The following DPP10 variants were observed in gnomAD, a reference collection of about 807,000 sequenced individuals.
The protein encoded by DPP10 is inactive dipeptidyl peptidase 10.
A neutral mutation model predicts 120.9 loss-of-function variants in DPP10; 33 were observed. The observed-to-expected ratio is 0.27, with a 90% confidence interval of 0.21 to 0.37. The LOEUF is 0.37. Ranked by LOEUF, DPP10 falls within the 10% of genes least tolerant of loss-of-function variation. The pLI, the probability that DPP10 is intolerant of heterozygous loss-of-function variation, is 1.00. For missense variants in DPP10, 816 were observed against 942.8 expected (o/e 0.87, Z 1.76); for synonymous variants, 337 against 326.1 (o/e 1.03, Z -0.36).
chr2:115,796,438 A>T (rs889718981), intron 19 of DPP10, among the ~76,000 whole-genome samples: 1 of 152,186 alleles, frequency 6.6e-6, no homozygotes, highest in East Asian at 1.9e-4. Flanking sequence ...ATATGAATAC[A>T]TCAATGAATA....
chr2:115,005,091 C>T (rs1035220702), intron 1 of DPP10, among the ~76,000 whole-genome samples: 1 of 151,954 alleles, frequency 6.6e-6, no homozygotes, highest in Admixed American at 6.6e-5. Flanking sequence ...CTGGGAGGCA[C>T]CCTCCAGCAG....
At chr2:115,725,566 C>A (rs758185236) in intron 7 of DPP10, among the ~76,000 whole-genome samples, 3 of 152,126 alleles carry the variant, frequency 2.0e-5, no homozygotes, top group Non-Finnish European at 4.4e-5. Flanking sequence ...AATGTAATTA[C>A]TGGTCAATAG....
At chr2:114,818,515 G>A (rs1685826176) in intron 1 of DPP10, among the ~76,000 whole-genome samples, 1 of 152,116 alleles carries the variant, frequency 6.6e-6, no homozygotes, top group Non-Finnish European at 1.5e-5. Context: ...ATTTCCTTAG[G>A]CGATTACAAG....
At chr2:114,921,744 A>G (rs1433259535) in intron 1 of DPP10, among the ~76,000 whole-genome samples, 1 of 152,254 alleles carries the variant, frequency 6.6e-6, no homozygotes, top group African/African-American at 2.4e-5. Flanking sequence ...CGTAGGTCAC[A>G]TTACTGCAAA....
chr2:115,186,223 C>G (rs1007693331), intron 1 of DPP10, among the ~76,000 whole-genome samples: 2 of 152,178 alleles, frequency 1.3e-5, no homozygotes, highest in African/African-American at 4.8e-5. Context: ...TAGCTTTGTT[C>G]TGTTTTACGT....
chr2:115,654,493 A>G (rs576403987), intron 5 of DPP10, among the ~76,000 whole-genome samples: 1 of 152,024 alleles, frequency 6.6e-6, no homozygotes, highest in East Asian at 1.9e-4. Flanking sequence ...TGCAAAATAT[A>G]CAAAAACAGA....
At chr2:114,949,656 C>T (rs1331976212) in intron 1 of DPP10, among the ~76,000 whole-genome samples, 1 of 152,134 alleles carries the variant, frequency 6.6e-6, no homozygotes, top group Non-Finnish European at 1.5e-5. Context: ...AGAGAATGTT[C>T]ACATTTATTA....
intron 1 of DPP10, among the ~76,000 whole-genome samples, chr2:115,280,851 T>C (rs1355767256): frequency 6.6e-6 from 1 of 152,216 alleles, no homozygotes; most frequent in Non-Finnish European, 1.5e-5. Flanking sequence ...TAACTTCATA[T>C]CTTTGTTCAG....
intron 1 of DPP10, among the ~76,000 whole-genome samples, chr2:114,716,600 G>T (rs1238751561): frequency 6.6e-6 from 1 of 152,122 alleles, no homozygotes; most frequent in Non-Finnish European, 1.5e-5. Context: ...CCTTCTTTGG[G>T]TGTTCTAAGC....
chr2:115,132,158 G>C (rs1179855461), intron 1 of DPP10, among the ~76,000 whole-genome samples: 1 of 152,106 alleles, frequency 6.6e-6, no homozygotes, highest in Non-Finnish European at 1.5e-5. Flanking sequence ...CTTTAGACTG[G>C]AAGTCTTTGT....
intron 19 of DPP10, among the ~76,000 whole-genome samples, chr2:115,800,448 C>A (rs1685072966): frequency 6.6e-6 from 1 of 152,134 alleles, no homozygotes; most frequent in Non-Finnish European, 1.5e-5. Flanking sequence ...AATTAGATCA[C>A]ATTTGTCAAT....
chr2:115,668,642 A>T (rs1214992033), intron 5 of DPP10, among the ~76,000 whole-genome samples: 1 of 152,022 alleles, frequency 6.6e-6, no homozygotes, highest in South Asian at 2.1e-4. Context: ...GATTTACCTT[A>T]TGTTTAAAGG....
At chr2:115,220,928 T>C (rs2057118494) in intron 1 of DPP10, among the ~76,000 whole-genome samples, 1 of 133,440 alleles carries the variant, frequency 7.5e-6, no homozygotes, top group South Asian at 2.5e-4. Flanking sequence ...TATTCATATA[T>C]AATATTTATA....
At chr2:115,386,591 C>A (rs1482493608) in intron 3 of DPP10, among the ~76,000 whole-genome samples, 4 of 152,110 alleles carry the variant, frequency 2.6e-5, no homozygotes, top group Non-Finnish European at 2.9e-5. Context: ...AATAAAGTTT[C>A]TTTTGTTGAT....
At chr2:115,174,189 C>T (rs1004296662) in intron 1 of DPP10, among the ~76,000 whole-genome samples, 1 of 152,096 alleles carries the variant, frequency 6.6e-6, no homozygotes, top group Non-Finnish European at 1.5e-5. Flanking sequence ...ATCTCATTTT[C>T]CTGATGAAGT....
At chr2:114,709,364 T>G (rs1342517532) in intron 1 of DPP10, among the ~76,000 whole-genome samples, 2 of 152,206 alleles carry the variant, frequency 1.3e-5, no homozygotes, top group Non-Finnish European at 2.9e-5. Flanking sequence ...CTATTTCTGA[T>G]CTCTAAGTGA....
intron 1 of DPP10, among the ~76,000 whole-genome samples, chr2:115,167,001 C>T (rs1312269539): frequency 6.6e-6 from 1 of 152,152 alleles, no homozygotes; most frequent in Non-Finnish European, 1.5e-5. Flanking sequence ...AATATTTATT[C>T]ATCACTGTCT....
At chr2:115,000,733 C>A (rs986940127) in intron 1 of DPP10, among the ~76,000 whole-genome samples, 5 of 152,094 alleles carry the variant, frequency 3.3e-5, no homozygotes, top group African/African-American at 7.2e-5. Flanking sequence ...GGTATTTAAG[C>A]AATTTTAATG....
chr2:115,399,173 T>TG (rs1197603994), intron 3 of DPP10, among the ~76,000 whole-genome samples: 1 of 152,166 alleles, frequency 6.6e-6, no homozygotes, highest in African/African-American at 2.4e-5. Flanking sequence ...ATTTACTGAG[T>TG]GCTCGCATTG....
Sources: allele counts gnomAD v4.1 joint callset (sites outside exome capture counted in the v4.1 genomes callset), GRCh38; gene constraint gnomAD v4.1.1; transcripts MANE v1.5; gene names NCBI Gene and HGNC (gene_info 2026-07-23, HGNC 2026-07-21).